The following ALDH18A1 variants were observed in gnomAD, a reference collection of about 807,000 sequenced individuals.
The protein encoded by ALDH18A1 is aldehyde dehydrogenase 18 family member A1, also known as delta-1-pyrroline-5-carboxylate synthase.
A neutral mutation model predicts 88.8 loss-of-function variants in ALDH18A1; 44 were observed. The ratio of observed to expected loss-of-function variants is 0.50; its 90% CI spans 0.39 to 0.64. The LOEUF is 0.64. Among genes scored for constraint, ALDH18A1 ranks in the 30% least tolerant of loss-of-function variants. The probability of loss-of-function intolerance (pLI) is 0.00; values close to 1 mark genes in which losing one functional copy is unlikely to be tolerated. For synonymous variants in ALDH18A1, 331 were observed against 372.1 expected (o/e 0.89, Z 1.27); for missense variants, 782 against 1,009.5 (o/e 0.77, Z 3.05).
rs1475251339 is a variant in ALDH18A1 at position 95,614,257 on chromosome 10, C to A, written c.1606-96G>T. On this transcript the variant is annotated intron_variant, in intron 13 of 17. Coordinates refer to ENST00000371224, the MANE Select transcript of ALDH18A1 (RefSeq NM_002860.4). ...TTTTACAGATAAACATCTGTACACTCTGAGAACTAAGTGAGACACTGTGAA... is the reference window on the plus strand; with the variant it reads ...TTTTACAGATAAACATCTGTACACTATGAGAACTAAGTGAGACACTGTGAA... 105 of 1,277,606 alleles carry A rather than the reference C, an allele frequency of 8.2e-5. No individual in the cohort carries two copies. The highest frequency in any genetic ancestry group is 6.7e-5 in the Non-Finnish European group (60 of 897,776). 79.1% of individuals were successfully genotyped at this position (1,277,606 alleles called of 1,614,324 possible). A position where few individuals can be genotyped will look rare whatever the true frequency, so the allele number is the denominator to read the frequency against.
intron 3 of ALDH18A1, among the ~76,000 whole-genome samples, chr10:95,642,434 C>T (rs2097893466): frequency 6.6e-6 from 1 of 152,082 alleles, no homozygotes; most frequent in Admixed American, 6.6e-5. Flanking sequence ...AGCAACATAG[C>T]AAGACCCCTG....
intron 11 of ALDH18A1, among the ~76,000 whole-genome samples, chr10:95,621,951 T>C (rs185880902): frequency 5.9e-4 from 90 of 152,312 alleles, no homozygotes; most frequent in Non-Finnish European, 1.2e-3. Context: ...CTGTCTAGGA[T>C]ATAGTCTACG....
chr10:95,614,026 C>T lies in ALDH18A1; in HGVS notation c.1741G>A (p.Glu581Lys), dbSNP rs777991529. Residue 581 changes from glutamate (E) to lysine (K), a missense_variant, in exon 14 of 18, where the codon GAA becomes AAA. Transcript: ENST00000371224. The stretch of plus-strand genomic sequence containing the variant: ...TCCACATACATGTGACAGATCCCTT[C>T]GCTGTGCCCCATCACTGGAATCCCC... Reference protein sequence around the residue: ...AKGIPVMGHSEGICHMYVDSE... With the variant: ...AKGIPVMGHSKGICHMYVDSE... 4.3e-6 allele frequency: 7 copies of T among 1,614,098 alleles called. No homozygotes were observed. The highest frequency in any genetic ancestry group is 4.0e-5 in the African/African-American group (3 of 74,934).
intron 2 of ALDH18A1, among the ~76,000 whole-genome samples, chr10:95,644,887 C>G (rs184470783): frequency 6.6e-6 from 1 of 152,186 alleles, no homozygotes. Flanking sequence ...CAAGAAAGAA[C>G]GAGCAGGGAT....
At chr10:95,627,738 TA>T (rs1566019237) in intron 8 of ALDH18A1, 152 bp from the exon 9 acceptor site, 2 of 1,014,300 alleles carry the variant, frequency 2.0e-6, no homozygotes, top group Non-Finnish European at 3.0e-6. Flanking sequence ...TGAAAACACA[TA>T]ACAGTTCACA....
chr10:95,631,035 C>A (rs904260610), intron 7 of ALDH18A1, among the ~76,000 whole-genome samples: 1 of 152,106 alleles, frequency 6.6e-6, no homozygotes, highest in African/African-American at 2.4e-5. Flanking sequence ...TTGATGTGGG[C>A]TGGGAATTAA....
chr10:95,646,149 T>G (rs1282788560), intron 2 of ALDH18A1, among the ~76,000 whole-genome samples: 4 of 152,144 alleles, frequency 2.6e-5, no homozygotes, highest in Non-Finnish European at 5.9e-5. Flanking sequence ...CTAGGCTTTC[T>G]GGCTTTCTCT....
intron 1 of ALDH18A1, 69 bp downstream of exon 1, chr10:95,656,528 T>A (rs373204838): frequency 6.6e-6 from 1 of 152,232 alleles, no homozygotes; most frequent in African/African-American, 2.4e-5. Flanking sequence ...CCCTCGCGCT[T>A]GAGCCTGGGC....
At position 95,628,392 on chromosome 10, in the gene ALDH18A1, C is replaced by A; in HGVS notation, c.909G>T (p.Val303=). The A allele has an allele frequency of 6.2e-7, 1 of 1,614,108 alleles. No individual in the cohort carries two copies. The highest frequency in any genetic ancestry group is 8.5e-7 in the Non-Finnish European group (1 of 1,179,984). ...QSVTFGTKSR[V]GMGGMEAKVK... ...CCTTGGCTTCCATGCCACCCATTCC[C>A]ACTCTAGACTTGGTTCCAAATGTCA... Residue 303 remains valine, a synonymous_variant, in exon 8 of 18, where the codon GTG becomes GTT. Transcript: ENST00000371224.
intron 7 of ALDH18A1, among the ~76,000 whole-genome samples, chr10:95,631,318 CA>C (rs1422258785): frequency 2.6e-5 from 4 of 151,686 alleles, no homozygotes; most frequent in Admixed American, 1.3e-4. Context: ...TCTGTCCCAA[CA>C]AAGGAAAAAC....
chr10:95,627,427 T>A lies in ALDH18A1; in HGVS notation c.1078+15A>T. ...TCCCATCACAGGCCTTGGGACCTTA[T>A]GAAGAACTATTTACCTGCAGGCTTT... On this transcript the variant is annotated intron_variant, in intron 9 of 17. Transcript: ENST00000371224. The A allele has an allele frequency of 6.2e-7, 1 of 1,614,106 alleles. No individual in the cohort carries two copies. The highest frequency in any genetic ancestry group is 8.5e-7 in the Non-Finnish European group (1 of 1,179,922).
In ALDH18A1 at chr10:95,611,460, C is replaced by A; in HGVS notation, c.1924-18G>T. On this transcript the variant is annotated intron_variant, in intron 15 of 17. Coordinates refer to ENST00000371224, the MANE Select transcript of ALDH18A1 (RefSeq NM_002860.4). Reference sequence around the variant, plus strand: ...ATTTTTACCTGGAACAGAGGAAGTCCAGGGGCAACAACATAAAAACAACTG... The same window carrying A: ...ATTTTTACCTGGAACAGAGGAAGTCAAGGGGCAACAACATAAAAACAACTG... The A allele has an allele frequency of 6.2e-7, 1 of 1,613,394 alleles. No homozygotes were observed. The highest frequency in any genetic ancestry group is 8.5e-7 in the Non-Finnish European group (1 of 1,179,366).
At position 95,638,164 on chromosome 10, in the gene ALDH18A1, C is replaced by A. The variant is rs1361598430; in HGVS notation, c.304-728G>T. ...AAGTAGCTGGAACTACAGGCTCATG[C>A]CACCATGCCCAGCTAATTTTTCTTT... On this transcript the variant is annotated intron_variant, in intron 3 of 17. Transcript: ENST00000371224. Among the ~76,000 whole-genome samples the A allele has an allele frequency of 2.0e-5, 3 of 152,260 alleles. No individual in the cohort carries two copies. The South Asian group carries it at 6.2e-4, about 32-fold the overall frequency.
At chr10:95,654,215 A>C (rs1374873585) in intron 1 of ALDH18A1, among the ~76,000 whole-genome samples, 1 of 143,052 alleles carries the variant, frequency 7.0e-6, no homozygotes, top group Non-Finnish European at 1.5e-5. Flanking sequence ...GCCAGGCTGG[A>C]GTACAATGGA....
At chr10:95,624,065 G>C (rs1285424708) in intron 11 of ALDH18A1, among the ~76,000 whole-genome samples, 3 of 151,624 alleles carry the variant, frequency 2.0e-5, no homozygotes, top group African/African-American at 7.3e-5. Flanking sequence ...CTTGAACTCA[G>C]ACCTCAGGTG....
intron 3 of ALDH18A1, among the ~76,000 whole-genome samples, chr10:95,638,750 T>G (rs1368570020): frequency 6.6e-6 from 1 of 152,138 alleles, no homozygotes; most frequent in African/African-American, 2.4e-5. Context: ...CATGAAAAAA[T>G]TAAAGACTCA....
At chr10:95,619,028 G>A (rs535449) in intron 12 of ALDH18A1, among the ~76,000 whole-genome samples, 52,691 of 151,846 alleles carry the variant, frequency 0.35, 9,789 homozygotes, top group East Asian at 0.7. Context: ...CTTTTTTTTG[G>A]TTAAAAGACC....
At chr10:95,627,237 T>TTTTTTTTTTTTTTTG (rs2097861689) in intron 9 of ALDH18A1, among the ~76,000 whole-genome samples, 1 of 151,760 alleles carries the variant, frequency 6.6e-6, no homozygotes, top group African/African-American at 2.4e-5. Context: ...TTATATATTT[T>TTTTTTTTTTTTTTTG]AACCGAGTGA....
intron 10 of ALDH18A1, among the ~76,000 whole-genome samples, chr10:95,626,020 T>C (rs992261073): frequency 2.0e-5 from 3 of 152,128 alleles, no homozygotes; most frequent in African/African-American, 7.2e-5. Flanking sequence ...CTGACCCTGC[T>C]AGATGAGGAA....
Sources: gnomAD v4.1 joint callset for allele counts (sites outside exome capture counted in the v4.1 genomes callset) on GRCh38, gnomAD v4.1.1 for gene constraint, MANE v1.5 for transcripts, NCBI Gene and HGNC (gene_info 2026-07-23, HGNC 2026-07-21) for gene names.